The following TAF3 variants were observed in gnomAD, a reference collection of about 807,000 sequenced individuals.
TAF3 encodes TATA-box binding protein associated factor 3, also known as transcription initiation factor TFIID subunit 3.
A neutral mutation model predicts 80.6 loss-of-function variants in TAF3; 7 were observed. That is an observed-to-expected ratio of 0.09 (90% CI 0.05 to 0.16). The LOEUF is 0.16. Ranked by LOEUF, TAF3 falls within the 10% of genes least tolerant of loss-of-function variation. TAF3 has a pLI of 1.00. For synonymous variants in TAF3, 444 were observed against 446.1 expected, an observed-to-expected ratio of 1.00 and a Z score of 0.06; for missense variants, 921 against 1,140.2, an observed-to-expected ratio of 0.81 and a Z score of 2.77.
intron 2 of TAF3, among the ~76,000 whole-genome samples, chr10:7,856,613 C>A (rs1837082306): frequency 1.3e-5 from 2 of 152,176 alleles, no homozygotes; most frequent in African/African-American, 4.8e-5. Flanking sequence ...CCGTGTGACA[C>A]TGAGGACCAA....
chr10:8,004,826 G>A (rs10752123), intron 4 of TAF3, among the ~76,000 whole-genome samples: 77,863 of 151,936 alleles, frequency 0.51, 20,088 homozygotes, highest in Admixed American at 0.57. Context: ...GGTATCTTTC[G>A]TCAGTTCTGT....
chr10:7,931,738 G>T (rs142067096), intron 2 of TAF3, among the ~76,000 whole-genome samples: 1 of 152,144 alleles, frequency 6.6e-6, no homozygotes, highest in Non-Finnish European at 1.5e-5. Context: ...CAGGCAACAA[G>T]TATTAATACT....
chr10:7,829,154 C>G (rs973559536), intron 2 of TAF3, among the ~76,000 whole-genome samples: 56 of 150,048 alleles, frequency 3.7e-4, no homozygotes, highest in African/African-American at 1.3e-3. Flanking sequence ...TTTAGAGTTT[C>G]TATTTTTTAA....
intron 2 of TAF3, among the ~76,000 whole-genome samples, chr10:7,950,989 G>A (rs548133559): frequency 6.6e-6 from 1 of 152,310 alleles, no homozygotes; most frequent in African/African-American, 2.4e-5. Context: ...TGTGCACTGG[G>A]AGTTCAATGT....
At chr10:7,892,395 A>G (rs1305751623) in intron 2 of TAF3, among the ~76,000 whole-genome samples, 3 of 152,232 alleles carry the variant, frequency 2.0e-5, no homozygotes, top group African/African-American at 4.8e-5. Context: ...AGAAAGAACC[A>G]TAATGTACTT....
At chr10:7,989,456 G>C (rs1201400207) in intron 4 of TAF3, among the ~76,000 whole-genome samples, 1 of 152,144 alleles carries the variant, frequency 6.6e-6, no homozygotes, top group Non-Finnish European at 1.5e-5. Flanking sequence ...ACATCTGTTT[G>C]CATTATTTAT....
At chr10:7,868,554 T>G (rs1360954454) in intron 2 of TAF3, among the ~76,000 whole-genome samples, 2 of 152,246 alleles carry the variant, frequency 1.3e-5, no homozygotes, top group African/African-American at 4.8e-5. Flanking sequence ...ATGTGCCTTG[T>G]AGGCACACAA....
chr10:7,908,965 T>C (rs1837631088), intron 2 of TAF3, among the ~76,000 whole-genome samples: 1 of 152,234 alleles, frequency 6.6e-6, no homozygotes, highest in African/African-American at 2.4e-5. Flanking sequence ...CAGGTGATGC[T>C]GCTATGCTGC....
Position 7,995,310 on chromosome 10 carries a change from T to G in TAF3, c.2316-13768T>G, listed in dbSNP as rs188983321. ...ATTCATAAGGAATTTTTCTAAAACT[T>G]AACTTTCTGAATATGTGGACCATTT... On this transcript the variant is annotated intron_variant, in intron 4 of 6. Transcript: ENST00000344293. Among the ~76,000 whole-genome samples the G allele has an allele frequency of 8.7e-4, 133 of 152,352 alleles. 1 individual carries two copies. The highest frequency in any genetic ancestry group is 1.2e-3 in the Admixed American group (19 of 15,304).
intron 2 of TAF3, among the ~76,000 whole-genome samples, chr10:7,893,537 C>T (rs1034361061): frequency 1.3e-5 from 2 of 152,164 alleles, no homozygotes; most frequent in Non-Finnish European, 2.9e-5. Context: ...ATTTTTCTCT[C>T]TGTGCTTTGC....
At chr10:7,886,290 C>G (rs1837408502) in intron 2 of TAF3, among the ~76,000 whole-genome samples, 2 of 152,130 alleles carry the variant, frequency 1.3e-5, no homozygotes, top group Admixed American at 6.6e-5. Flanking sequence ...CTAATGTTTA[C>G]CAAGTGTTTC....
chr10:7,986,704 G>A (rs1677766583), intron 4 of TAF3, among the ~76,000 whole-genome samples: 1 of 152,086 alleles, frequency 6.6e-6, no homozygotes, highest in South Asian at 2.1e-4. Flanking sequence ...GACACAAATG[G>A]TCAGGTCAGT....
At chr10:7,907,762 A>T (rs565175023) in intron 2 of TAF3, among the ~76,000 whole-genome samples, 162 of 152,336 alleles carry the variant, frequency 1.1e-3, no homozygotes, top group African/African-American at 3.8e-3. Flanking sequence ...AGCTGCTATT[A>T]TAATAATGTG....
intron 2 of TAF3, among the ~76,000 whole-genome samples, chr10:7,889,386 A>G (rs1308619200): frequency 6.6e-6 from 1 of 152,226 alleles, no homozygotes; most frequent in African/African-American, 2.4e-5. Flanking sequence ...ACATCTACTC[A>G]TTTAATCTTC....
intron 2 of TAF3, among the ~76,000 whole-genome samples, chr10:7,921,302 T>C (rs1837760004): frequency 6.6e-6 from 1 of 152,190 alleles, no homozygotes; most frequent in Non-Finnish European, 1.5e-5. Flanking sequence ...ATGTAGTATG[T>C]AGGCTACTGA....
chr10:7,970,104 G>C (rs1162316852), intron 3 of TAF3, among the ~76,000 whole-genome samples: 1 of 152,212 alleles, frequency 6.6e-6, no homozygotes, highest in African/African-American at 2.4e-5. Context: ...GACTACAACA[G>C]TTCCTGAATT....
intron 2 of TAF3, among the ~76,000 whole-genome samples, chr10:7,906,364 C>G (rs916045517): frequency 6.6e-6 from 1 of 152,114 alleles, no homozygotes; most frequent in African/African-American, 2.4e-5. Context: ...TGCTTAGTGA[C>G]AAAGCTATCA....
At chr10:7,825,228 A>T (rs1214007161) in intron 2 of TAF3, among the ~76,000 whole-genome samples, 1 of 152,210 alleles carries the variant, frequency 6.6e-6, no homozygotes, top group African/African-American at 2.4e-5. Context: ...TTCTTATAAG[A>T]GTTGGAAAAG....
At position 7,979,903 on chromosome 10, in the gene TAF3, A is replaced by T. The variant is rs916014978; in HGVS notation, c.2315+2580A>T. On this transcript the variant is annotated intron_variant, in intron 4 of 6. Transcript: ENST00000344293. ...GCCACTGCCTGTTTTCTGTGACCTG[A>T]AAGTTAAGAATGTGTTTTATATTTC... 2.0e-5 allele frequency among the ~76,000 whole-genome samples: 3 copies of T among 152,164 alleles called. No individual in the cohort carries two copies. The South Asian group carries it at 6.2e-4, about 32-fold the overall frequency.
Sources: allele counts gnomAD v4.1 joint callset (sites outside exome capture counted in the v4.1 genomes callset), GRCh38; gene constraint gnomAD v4.1.1; transcripts MANE v1.5; gene names NCBI Gene and HGNC (gene_info 2026-07-23, HGNC 2026-07-21).